SOCS7: variants seen among roughly 807,000 people sequenced by gnomAD.
SOCS7 encodes the protein suppressor of cytokine signaling 7.
A neutral mutation model predicts 58.9 loss-of-function variants in SOCS7; 18 were observed. The observed-to-expected ratio is 0.31, with a 90% CI of 0.21 to 0.45. The LOEUF (loss-of-function observed/expected upper bound fraction) is 0.45. Among genes scored for constraint, SOCS7 ranks in the 20% least tolerant of loss-of-function variants. The probability of loss-of-function intolerance (pLI) is 1.00; values close to 1 mark genes in which losing one functional copy is unlikely to be tolerated. For missense variants in SOCS7, 667 were observed against 837.3 expected (o/e 0.80, Z 2.51); for synonymous variants, 388 against 364.3 (o/e 1.06, Z -0.74).
intron 7 of SOCS7, among the ~76,000 whole-genome samples, chr17:38,387,111 ATATATATATATATATATGTATG>A (rs2038081604): frequency 9.7e-6 from 1 of 103,570 alleles, no homozygotes; most frequent in Non-Finnish European, 1.8e-5. Context: ...AAATATATAT[ATATATATATATATATATGTATG>A]TATATATATA....
At chr17:38,356,392 C>CG (rs1217363830) in intron 1 of SOCS7, among the ~76,000 whole-genome samples, 2 of 150,230 alleles carry the variant, frequency 1.3e-5, no homozygotes, top group Non-Finnish European at 3.0e-5. Flanking sequence ...TTTTTGGGGC[C>CG]GGGGGGATGG....
At chr17:38,394,215 G>T (rs540138231) in intron 7 of SOCS7, among the ~76,000 whole-genome samples, 1 of 152,190 alleles carries the variant, frequency 6.6e-6, no homozygotes, top group Non-Finnish European at 1.5e-5. Context: ...ATACATAAGG[G>T]TGTGGTACTC....
At position 38,352,479 on chromosome 17, in the gene SOCS7, G is replaced by C. The variant is rs1289464957; in HGVS notation, c.427G>C (p.Gly143Arg). Residue 143 changes from glycine (G) to arginine (R), a missense_variant, in exon 1 of 10, where the codon GGT (glycine) becomes CGT (arginine). Around this residue, in one of 9 missense-constraint regions of SOCS7, gnomAD observed 154 missense variants for 156.3 expected, o/e 0.98. Transcript: ENST00000612932. This position sits in a 1 kb window ranked among gnomAD's most constrained non-coding sequence, Gnocchi z 5.5. ...AGPGVKTVGG[G>R]CCPCPCPPQP... ...GCCGGGGGTCAAGACAGTCGGTGGG[G>C]GTTGCTGCCCGTGTCCGTGTCCTCC... 6.6e-7 allele frequency: 1 copy of C among 1,522,094 alleles called. No homozygotes were observed. Among genetic ancestry groups the C allele is most frequent in the Non-Finnish European group, 8.8e-7 (1 of 1,133,910 alleles). 94.3% of individuals were successfully genotyped at this position (1,522,094 alleles called of 1,614,324 possible).
intron 7 of SOCS7, among the ~76,000 whole-genome samples, chr17:38,387,751 T>C (rs1262432153): frequency 7.5e-6 from 1 of 132,988 alleles, no homozygotes; most frequent in African/African-American, 3.1e-5. Flanking sequence ...ATTCATGGAA[T>C]TAAACATACT....
At chr17:38,366,003 G>A (rs1038177789) in intron 4 of SOCS7, 7 of 1,178,478 alleles carry the variant, frequency 5.9e-6, no homozygotes, top group East Asian at 9.0e-5. Context: ...CTCTAGGCTG[G>A]TGAAGCCCCT....
chr17:38,383,718 G>A (rs1384029217), intron 7 of SOCS7, among the ~76,000 whole-genome samples: 1 of 152,026 alleles, frequency 6.6e-6, no homozygotes, highest in Non-Finnish European at 1.5e-5. Flanking sequence ...CTAAATTTTT[G>A]TATTTTTTAG....
intron 7 of SOCS7, among the ~76,000 whole-genome samples, chr17:38,390,856 C>T (rs1044665842): frequency 7.2e-5 from 11 of 151,900 alleles, no homozygotes; most frequent in Admixed American, 2.0e-4. Flanking sequence ...CAACCATGCC[C>T]AGCTGATCTT....
At chr17:38,355,203 G>A (rs1280204330) in intron 1 of SOCS7, among the ~76,000 whole-genome samples, 5 of 152,186 alleles carry the variant, frequency 3.3e-5, no homozygotes, top group Admixed American at 6.6e-5. Flanking sequence ...GCTAGGAGAT[G>A]ACCAAATTTG....
At chr17:38,395,246 C>T in intron 7 of SOCS7, 63 bp from the exon 8 acceptor site, 2 of 1,570,278 alleles carry the variant, frequency 1.3e-6, no homozygotes, top group Admixed American at 3.4e-5. Context: ...TCTCTTCATA[C>T]AAGAAATGGT....
intron 1 of SOCS7, among the ~76,000 whole-genome samples, chr17:38,353,442 C>G (rs192854559): frequency 1.3e-5 from 2 of 152,316 alleles, no homozygotes; most frequent in East Asian, 3.9e-4. Flanking sequence ...GTACCAGCAC[C>G]GCACCTCCCT....
At chr17:38,360,499 G>A (rs1351452530) in intron 1 of SOCS7, among the ~76,000 whole-genome samples, 2 of 149,948 alleles carry the variant, frequency 1.3e-5, no homozygotes, top group African/African-American at 4.9e-5. Context: ...CCAGCATATG[G>A]CATATTTCTT....
chr17:38,354,092 C>T (rs567165176), intron 1 of SOCS7, among the ~76,000 whole-genome samples: 1 of 152,312 alleles, frequency 6.6e-6, no homozygotes, highest in East Asian at 1.9e-4. Context: ...TGATCTTCGG[C>T]ATCCAGTGTT....
In SOCS7 at chr17:38,366,477, C is replaced by T. The variant is rs587637574; in HGVS notation, c.1383+60C>T. ...CCTCCCATTAGCTAAATTCTGTATT[C>T]GGACACACCTTTATTTATGTGTTTA... On this transcript the variant is annotated intron_variant, in intron 5 of 9. Coordinates refer to ENST00000612932, the MANE Select transcript of SOCS7 (RefSeq NM_014598.4). The T allele has an allele frequency of 7.4e-5, 116 of 1,575,838 alleles. 1 individual carries two copies. In the African/African-American group the frequency reaches 1.3e-3, roughly 18 times the overall value.
chr17:38,366,573 T>C (rs1555568390), intron 5 of SOCS7, among the ~76,000 whole-genome samples, 156 bp downstream of exon 5: 1 of 152,222 alleles, frequency 6.6e-6, no homozygotes, highest in Non-Finnish European at 1.5e-5. Context: ...TAGCTCACTG[T>C]AGGCTCAAAC....
chr17:38,360,509 TTTTTTTTA>T (rs952228859), intron 1 of SOCS7, among the ~76,000 whole-genome samples: 1 of 149,694 alleles, frequency 6.7e-6, no homozygotes, highest in South Asian at 2.1e-4. Context: ...GCATATTTCT[TTTTTTTTA>T]TTTTTTTATT....
chr17:38,394,376 A>G (rs2038217656), intron 7 of SOCS7, among the ~76,000 whole-genome samples: 1 of 152,200 alleles, frequency 6.6e-6, no homozygotes, highest in African/African-American at 2.4e-5. Flanking sequence ...ACTGGGGGTT[A>G]TGGGGGTTGG....
chr17:38,400,165 G>A lies in SOCS7; in HGVS notation c.*683G>A, dbSNP rs912726143. 4 of 152,146 alleles carry A rather than the reference G, an allele frequency of 2.6e-5. No individual in the cohort carries two copies. The highest frequency in any genetic ancestry group is 6.5e-5 in the Admixed American group (1 of 15,276). The allele number at this position is 152,146 out of a possible 1,614,324, so 9.4% of individuals were successfully genotyped here. A position where few individuals can be genotyped will look rare whatever the true frequency, so the allele number is the denominator to read the frequency against. On this transcript the variant is annotated 3_prime_UTR_variant, in exon 10 of 10. Coordinates refer to ENST00000612932, the MANE Select transcript of SOCS7 (RefSeq NM_014598.4). ...ATCCTTTTTTAAGGTTTAGGAACCT[G>A]AGTTCAGAAACACCTCTCATGGAAG...
chr17:38,361,887 T>C, intron 2 of SOCS7, 112 bp downstream of exon 2: 3 of 741,944 alleles, frequency 4.0e-6, no homozygotes, highest in South Asian at 1.7e-5. Context: ...TCTGCAGTTA[T>C]TTCCTTCATT....
intron 1 of SOCS7, among the ~76,000 whole-genome samples, chr17:38,356,623 C>T (rs1555566840): frequency 6.6e-6 from 1 of 152,084 alleles, no homozygotes; most frequent in Non-Finnish European, 1.5e-5. Flanking sequence ...CCGCAGTCTC[C>T]CAAAGTGCTG....
Sources: allele counts gnomAD v4.1 joint callset (sites outside exome capture counted in the v4.1 genomes callset), GRCh38; gene constraint gnomAD v4.1.1; regional missense constraint gnomAD v4.1.1; non-coding constraint Gnocchi (gnomAD v3.1); transcripts MANE v1.5; gene names NCBI Gene and HGNC (gene_info 2026-07-23, HGNC 2026-07-21).